Variants in PARD3B observed in about 807,000 individuals in gnomAD.
PARD3B encodes the protein par-3 family cell polarity regulator beta.
Under a neutral mutation model 130.2 loss-of-function variants are expected in PARD3B, and 103 were observed. That is an observed-to-expected ratio of 0.79 (90% CI 0.67 to 0.93). PARD3B has a LOEUF of 0.93. Among genes scored for constraint, PARD3B ranks in the 40% least tolerant of loss-of-function variants. The probability of loss-of-function intolerance (pLI) is 0.00; values close to 1 mark genes in which losing one functional copy is unlikely to be tolerated. For synonymous variants in PARD3B, 583 were observed against 553.2 expected (o/e 1.05, Z -0.76); for missense variants, 1,609 against 1,499.2 (o/e 1.07, Z -1.21).
At chr2:205,322,469 A>G (rs2042783526) in intron 18 of PARD3B, among the ~76,000 whole-genome samples, 1 of 152,158 alleles carries the variant, frequency 6.6e-6, no homozygotes, top group Non-Finnish European at 1.5e-5. Context: ...TAAGTCCCCA[A>G]TTCCCTGAAC....
At chr2:204,952,607 A>G (rs1689868082) in intron 2 of PARD3B, among the ~76,000 whole-genome samples, 1 of 152,218 alleles carries the variant, frequency 6.6e-6, no homozygotes, top group African/African-American at 2.4e-5. Flanking sequence ...AAGTACTTAT[A>G]CATGTTAATA....
At chr2:204,851,606 A>C (rs1305533666) in intron 2 of PARD3B, among the ~76,000 whole-genome samples, 1 of 152,246 alleles carries the variant, frequency 6.6e-6, no homozygotes, top group Non-Finnish European at 1.5e-5. Context: ...TATTTTATAC[A>C]GGTTAAATAG....
Position 205,337,322 on chromosome 2 carries a change from A to G in PARD3B, c.2630+35621A>G, listed in dbSNP as rs542991349. On this transcript the variant is annotated intron_variant, in intron 18 of 22. Transcript: ENST00000406610. ...GTTTTAGCATACTTACATCTTCTTT[A>G]TGTCTCTATGTATTTTAAGTTTCTA... Among the ~76,000 whole-genome samples, 16 of 152,256 alleles carry G rather than the reference A, an allele frequency of 1.1e-4. No homozygotes were observed. In the South Asian group the frequency reaches 3.3e-3, roughly 32 times the overall value.
chr2:204,729,771 A>G (rs945161332), intron 2 of PARD3B, among the ~76,000 whole-genome samples: 5 of 151,862 alleles, frequency 3.3e-5, no homozygotes, highest in African/African-American at 7.3e-5. Context: ...AATGACCCCT[A>G]TTTTTTATTG....
intron 21 of PARD3B, among the ~76,000 whole-genome samples, chr2:205,514,833 CT>C (rs5837976): frequency 0.46 from 62,351 of 136,134 alleles, 14,358 homozygotes; most frequent in Middle Eastern, 0.63. Context: ...TCTTACAGTT[CT>C]TTTTTTTTTT....
chr2:204,847,186 C>G (rs945494055), intron 2 of PARD3B, among the ~76,000 whole-genome samples: 10 of 82,856 alleles, frequency 1.2e-4, no homozygotes, highest in African/African-American at 5.8e-4. Context: ...TTTTTTTTTG[C>G]TAAGCATTGT....
At chr2:204,783,122 A>C (rs1330308643) in intron 2 of PARD3B, among the ~76,000 whole-genome samples, 2 of 152,126 alleles carry the variant, frequency 1.3e-5, no homozygotes, top group Non-Finnish European at 2.9e-5. Context: ...TGACTAGGCA[A>C]CTTGATTTGT....
At chr2:205,065,303 A>T (rs1180144304) in intron 4 of PARD3B, among the ~76,000 whole-genome samples, 1 of 152,188 alleles carries the variant, frequency 6.6e-6, no homozygotes, top group Non-Finnish European at 1.5e-5. Flanking sequence ...AGAATTTTGC[A>T]TGAAATTGTG....
chr2:205,173,055 C>T (rs375237177), intron 12 of PARD3B, among the ~76,000 whole-genome samples: 3 of 151,884 alleles, frequency 2.0e-5, no homozygotes, highest in African/African-American at 4.8e-5. Flanking sequence ...ATTAAATGCT[C>T]ATAAAATAAT....
chr2:205,111,173 G>C (rs575858207), intron 5 of PARD3B, among the ~76,000 whole-genome samples: 385 of 152,056 alleles, frequency 2.5e-3, no homozygotes, highest in Non-Finnish European at 4.0e-3. Flanking sequence ...TTATTAAATA[G>C]ATCTAACTTT....
intron 2 of PARD3B, among the ~76,000 whole-genome samples, chr2:204,697,724 C>T (rs1422937840): frequency 1.3e-5 from 2 of 152,006 alleles, no homozygotes; most frequent in Non-Finnish European, 2.9e-5. Context: ...TTTCTCCCTC[C>T]GGTTGTGTTC....
intron 18 of PARD3B, among the ~76,000 whole-genome samples, chr2:205,340,748 G>C (rs1419913646): frequency 6.6e-6 from 1 of 152,058 alleles, no homozygotes; most frequent in African/African-American, 2.4e-5. Flanking sequence ...AGACAAATGG[G>C]ATTATAGTTT....
chr2:205,298,496 A>T (rs888273509), intron 16 of PARD3B, among the ~76,000 whole-genome samples: 5 of 149,936 alleles, frequency 3.3e-5, no homozygotes, highest in Admixed American at 6.6e-5. Flanking sequence ...AATTTTTTGT[A>T]TTTTTTTTTT....
At chr2:204,700,159 A>G (rs1452360235) in intron 2 of PARD3B, among the ~76,000 whole-genome samples, 1 of 152,114 alleles carries the variant, frequency 6.6e-6, no homozygotes, top group Admixed American at 6.6e-5. Flanking sequence ...ATTTATTGAG[A>G]TGAATACTTC....
At chr2:205,536,639 C>G (rs192898150) in intron 21 of PARD3B, among the ~76,000 whole-genome samples, 1 of 152,150 alleles carries the variant, frequency 6.6e-6, no homozygotes, top group African/African-American at 2.4e-5. Flanking sequence ...GGAAGATACT[C>G]GGAGAGACCT....
At chr2:205,358,909 G>A (rs755742698) in intron 18 of PARD3B, among the ~76,000 whole-genome samples, 5 of 152,132 alleles carry the variant, frequency 3.3e-5, no homozygotes, top group Admixed American at 2.0e-4. Flanking sequence ...TCATGGGGCC[G>A]TATCATTCTT....
intron 2 of PARD3B, among the ~76,000 whole-genome samples, chr2:204,726,183 T>C (rs1286473676): frequency 2.6e-5 from 4 of 152,222 alleles, no homozygotes; most frequent in African/African-American, 9.6e-5. Context: ...ATTATGCTTA[T>C]GTTGGGTGGT....
rs2029880262 is a variant in PARD3B at position 204,545,745 on chromosome 2, AGCTGCCGCGTCCCGGGCCGCCGG to A, written c.-252_-230del. 2.8e-6 allele frequency: 1 copy of A among 362,860 alleles called. No homozygotes were observed. Among genetic ancestry groups the A allele is most frequent in the African/African-American group, 2.2e-5 (1 of 46,170 alleles). 22.5% of individuals were successfully genotyped at this position (362,860 alleles called of 1,614,324 possible). A position where few individuals can be genotyped will look rare whatever the true frequency, so the allele number is the denominator to read the frequency against. On this transcript the variant is annotated 5_prime_UTR_variant, in exon 1 of 23. Transcript: ENST00000406610. ...GGAGGAGGAGGAGCCGGTGCCGCGGAGCTGCCGCGTCCCGGGCCGCCGGGCACCTGGGAGGTAACCCCTTTCCG... is the reference window on the plus strand; with the variant it reads ...GGAGGAGGAGGAGCCGGTGCCGCGGAGCACCTGGGAGGTAACCCCTTTCCG...
chr2:204,770,783 C>G (rs1211935837), intron 2 of PARD3B, among the ~76,000 whole-genome samples: 3 of 152,102 alleles, frequency 2.0e-5, no homozygotes, highest in Non-Finnish European at 4.4e-5. Flanking sequence ...TCACCCTTCT[C>G]CCACCTTCCA....
Sources: allele counts gnomAD v4.1 joint callset (sites outside exome capture counted in the v4.1 genomes callset), GRCh38; gene constraint gnomAD v4.1.1; transcripts MANE v1.5; gene names NCBI Gene and HGNC (gene_info 2026-07-23, HGNC 2026-07-21).